Variants in CLK3 observed in about 807,000 individuals in gnomAD.
The protein encoded by CLK3 is CDC like kinase 3.
In CLK3, 24 loss-of-function variants were observed where a neutral mutation model predicts 65.2. That is an observed-to-expected ratio of 0.37 (90% CI 0.27 to 0.52). CLK3 has a LOEUF of 0.52. Ranked by LOEUF, CLK3 falls within the 20% of genes least tolerant of loss-of-function variation. The pLI, the probability that CLK3 is intolerant of heterozygous loss-of-function variation, is 0.92. For synonymous variants in CLK3, 252 were observed against 240.8 expected (o/e 1.05, Z -0.43); for missense variants, 506 against 660.0 (o/e 0.77, Z 2.56).
chr15:74,627,443 C>T lies in CLK3; in HGVS notation c.909C>T (p.His303=). 6.2e-7 allele frequency: 1 copy of T among 1,614,094 alleles called. No individual in the cohort carries two copies. Among genetic ancestry groups the T allele is most frequent in the South Asian group, 1.1e-5 (1 of 91,084 alleles). The change falls in exon 8 of 13, where the codon CAC becomes CAT. Residue 303 remains histidine (H), a synonymous_variant. Transcript: ENST00000395066. This position sits in a 1 kb window ranked among gnomAD's most constrained non-coding sequence, Gnocchi z 4.3. The stretch of plus-strand genomic sequence containing the variant: ...AGTTTGAAACCCTCTACAATGAGCA[C>T]AAGGTATTGGTGGGGGTAAGGGTGA... ...NSEFETLYNE[H]KSCEEKSVKN...
At chr15:74,615,826 GGTC>G, upstream of CLK3, 2 of 1,247,854 alleles carry the variant, frequency 1.6e-6, no homozygotes, top group Non-Finnish European at 2.0e-6. Context: ...CACGGGCGGA[GGTC>G]GCAGCCGGAA....
chr15:74,616,230 C>T (rs1443629813), intron 1 of CLK3, among the ~76,000 whole-genome samples: 1 of 152,264 alleles, frequency 6.6e-6, no homozygotes, highest in East Asian at 1.9e-4. Flanking sequence ...CAGACCCCTC[C>T]CCTACCCCTG....
Position 74,627,764 on chromosome 15 carries a change from A to G in CLK3, c.1042+96A>G. 6.5e-7 allele frequency: 1 copy of G among 1,544,436 alleles called. No individual in the cohort carries two copies. Among genetic ancestry groups the G allele is most frequent in the Non-Finnish European group, 8.9e-7 (1 of 1,125,558 alleles). On this transcript the variant is annotated intron_variant, in intron 9 of 12. Transcript: ENST00000395066. This position sits in a 1 kb window ranked among gnomAD's most constrained non-coding sequence, Gnocchi z 4.3. ...GCATGCCTGTCATTCTCTGCCACCC[A>G]GGGCAGGCAGAGTTTCTCAGACCAA...
At chr15:74,611,490 G>A (rs929309740), upstream of CLK3, among the ~76,000 whole-genome samples, 6 of 152,250 alleles carry the variant, frequency 3.9e-5, no homozygotes, top group African/African-American at 1.4e-4. Flanking sequence ...CAGGGCCTCC[G>A]GCACTGCCCG....
At chr15:74,629,585 C>T (rs1273358272) in intron 12 of CLK3, 122 bp from the exon 13 acceptor site, 1 of 684,842 alleles carries the variant, frequency 1.5e-6, no homozygotes, top group Non-Finnish European at 2.6e-6. Flanking sequence ...GAAGTAGAGT[C>T]CTCCAAGGAG....
At chr15:74,628,908 C>T (rs1315753679) in intron 11 of CLK3, 34 bp from the exon 12 acceptor site, 1 of 1,479,780 alleles carries the variant, frequency 6.8e-7, no homozygotes, top group Non-Finnish European at 9.4e-7. Flanking sequence ...CCCCTTACTA[C>T]TCCCACACTT....
At chr15:74,615,271 C>T (rs1042213592), upstream of CLK3, 2 of 475,340 alleles carry the variant, frequency 4.2e-6, no homozygotes, top group Admixed American at 4.4e-5. Context: ...AGGGTATCTT[C>T]CCAGAAACTG....
rs528303186 is a variant in CLK3 at position 74,628,847 on chromosome 15, T to C, written c.1206-95T>C. ...GCCCCTGCAGACCTGTTGCCCTGGT[T>C]CTGCTGCTGTCTTGGGAGCTGCTCT... On this transcript the variant is annotated intron_variant, in intron 11 of 12. Transcript: ENST00000395066. The C allele has an allele frequency of 2.1e-4, 224 of 1,053,602 alleles. 2 individuals are homozygous for C. The Admixed American group carries it at 4.3e-3, about 20-fold the overall frequency. The allele number at this position is 1,053,602 out of a possible 1,614,324, so 65.3% of individuals were successfully genotyped here.
At chr15:74,615,260 T>TA, upstream of CLK3, 1 of 441,074 alleles carries the variant, frequency 2.3e-6, no homozygotes. Context: ...AGAGTAGCTC[T>TA]AGGGTATCTT....
intron 1 of CLK3, among the ~76,000 whole-genome samples, chr15:74,616,406 C>T (rs1388394536): frequency 1.3e-5 from 2 of 152,238 alleles, no homozygotes; most frequent in East Asian, 1.9e-4. Flanking sequence ...CAGGAAGGGA[C>T]GCGAACGAGG....
upstream of CLK3, chr15:74,614,780 C>G (rs985251525): frequency 2.6e-5 from 4 of 152,172 alleles, no homozygotes; most frequent in African/African-American, 9.7e-5. Context: ...CTGGGGAAAC[C>G]CTTGGCGCCC....
At chr15:74,615,201 A>G, upstream of CLK3, 1 of 390,812 alleles carries the variant, frequency 2.6e-6, no homozygotes, top group Non-Finnish European at 4.5e-6. Flanking sequence ...GCTCCACAGG[A>G]GGGGGCTCAA....
chr15:74,614,046 C>T (rs2062024501), upstream of CLK3, among the ~76,000 whole-genome samples: 1 of 152,226 alleles, frequency 6.6e-6, no homozygotes, highest in Non-Finnish European at 1.5e-5. Flanking sequence ...CGGAGTTTTG[C>T]TCTCTTGCGC....
rs906326780 is a variant in CLK3 at position 74,627,916 on chromosome 15, C to T, written c.1043-54C>T. ...GGTGTGGTGGCTGCCTTGTGACTTCCAGGCTGGAAGCATAAGGCCGGATCT... is the reference window on the plus strand; with the variant it reads ...GGTGTGGTGGCTGCCTTGTGACTTCTAGGCTGGAAGCATAAGGCCGGATCT... On this transcript the variant is annotated intron_variant, in intron 9 of 12. Coordinates refer to ENST00000395066, the MANE Select transcript of CLK3 (RefSeq NM_001130028.2). This position sits in a 1 kb window ranked among gnomAD's most constrained non-coding sequence, Gnocchi z 4.3. 3 of 1,435,784 alleles carry T rather than the reference C, an allele frequency of 2.1e-6. No individual in the cohort carries two copies. The highest frequency in any genetic ancestry group is 2.3e-5 in the East Asian group (1 of 43,978). The allele number at this position is 1,435,784 out of a possible 1,614,324, so 88.9% of individuals were successfully genotyped here.
Position 74,624,898 on chromosome 15 carries a change from C to A in CLK3, c.534-4C>A, listed in dbSNP as rs895666393. ...AGAACCTCTGTTTCCTTCCCGGGTA[C>A]CAGAGGGAAGTCTCAGGTTGCCCTG... On this transcript the variant is annotated splice_region_variant and splice_polypyrimidine_tract_variant and intron_variant, in intron 5 of 12. Coordinates refer to ENST00000395066, the MANE Select transcript of CLK3 (RefSeq NM_001130028.2). This position sits in a 1 kb window ranked among gnomAD's most constrained non-coding sequence, Gnocchi z 4.2. The A allele has an allele frequency of 1.6e-5, 26 of 1,596,638 alleles. No individual in the cohort carries two copies. The highest frequency in any genetic ancestry group is 2.1e-5 in the Non-Finnish European group (25 of 1,169,700).
intron 12 of CLK3, 38 bp from the exon 13 acceptor site, chr15:74,629,669 C>G: frequency 7.7e-6 from 12 of 1,559,534 alleles, no homozygotes; most frequent in Non-Finnish European, 1.1e-5. Flanking sequence ...TTCCCACGAC[C>G]CTGCCGTCAC....
At chr15:74,629,675 G>A (rs780785094) in intron 12 of CLK3, 32 bp from the exon 13 acceptor site, 46 of 1,575,418 alleles carry the variant, frequency 2.9e-5, no homozygotes, top group Middle Eastern at 4.2e-4. Context: ...CGACCCTGCC[G>A]TCACACTGAG....
intron 11 of CLK3, 30 bp downstream of exon 11, chr15:74,628,713 G>A (rs781441662): frequency 2.6e-6 from 4 of 1,562,596 alleles, no homozygotes; most frequent in African/African-American, 2.7e-5. Context: ...CCTCAGGGTT[G>A]GTATAGAGGC....
intron 11 of CLK3, 55 bp from the exon 12 acceptor site, chr15:74,628,887 C>A: frequency 7.6e-7 from 1 of 1,323,170 alleles, no homozygotes; most frequent in South Asian, 1.2e-5. Context: ...CACCTCCCAC[C>A]AGAGGCTTGT....
Sources: allele counts gnomAD v4.1 joint callset (sites outside exome capture counted in the v4.1 genomes callset), GRCh38; gene constraint gnomAD v4.1.1; non-coding constraint Gnocchi (gnomAD v3.1); transcripts MANE v1.5; gene names NCBI Gene and HGNC (gene_info 2026-07-23, HGNC 2026-07-21).